ATP8A2: variants seen among roughly 807,000 people sequenced by gnomAD.
The protein encoded by ATP8A2 is phospholipid-transporting ATPase IB.
ATP8A2 carries 100 observed loss-of-function variants against 165.6 expected under a neutral mutation model. That is an observed-to-expected ratio of 0.60 (90% CI 0.51 to 0.71). The LOEUF (loss-of-function observed/expected upper bound fraction) is 0.71, where lower values mean the gene tolerates loss of function less well. Ranked by LOEUF, ATP8A2 falls within the 30% of genes least tolerant of loss-of-function variation. The pLI is 0.00. For missense variants in ATP8A2, 1,227 were observed against 1,479.5 expected, an observed-to-expected ratio of 0.83 and a Z score of 2.80; for synonymous variants, 543 against 548.8, an observed-to-expected ratio of 0.99 and a Z score of 0.15.
intron 17 of ATP8A2, among the ~76,000 whole-genome samples, chr13:25,571,119 G>A (rs1241234388): frequency 5.3e-5 from 8 of 152,164 alleles, no homozygotes; most frequent in Admixed American, 5.2e-4. Flanking sequence ...TCTCCCAGCA[G>A]AGGTGATTGG....
At chr13:25,972,894 T>C (rs999430738) in intron 35 of ATP8A2, among the ~76,000 whole-genome samples, 3 of 152,104 alleles carry the variant, frequency 2.0e-5, no homozygotes, top group African/African-American at 7.2e-5. Flanking sequence ...AGATAAGTGG[T>C]TGCCCTGTAA....
intron 2 of ATP8A2, among the ~76,000 whole-genome samples, chr13:25,517,539 A>G (rs780659786): frequency 1.3e-5 from 2 of 152,186 alleles, no homozygotes; most frequent in Non-Finnish European, 2.9e-5. Flanking sequence ...ATTTAATAGG[A>G]ATTATAGGTA....
At chr13:25,932,733 A>C (rs563227975) in intron 33 of ATP8A2, among the ~76,000 whole-genome samples, 3 of 152,328 alleles carry the variant, frequency 2.0e-5, no homozygotes, top group African/African-American at 7.2e-5. Flanking sequence ...CTGCTGGGGA[A>C]GTCAGTTATG....
chr13:25,673,402 ACT>A (rs2042306300), intron 24 of ATP8A2, among the ~76,000 whole-genome samples: 1 of 152,290 alleles, frequency 6.6e-6, no homozygotes, highest in African/African-American at 2.4e-5. Flanking sequence ...CAAAGCAGAG[ACT>A]CTGACTTCTG....
At chr13:25,517,022 C>T (rs2037497551) in intron 2 of ATP8A2, 1 of 151,606 alleles carries the variant, frequency 6.6e-6, no homozygotes, top group Non-Finnish European at 1.5e-5. Context: ...CTCAAGCTAT[C>T]CACCCACCTC....
rs74636151 is a variant in ATP8A2, at chr13:25,573,319, G to A, written c.1663-1489G>A. ...TCACTCACAATGCCAAATAAATGTG[G>A]AACCTAGAGAGCCTATTGGTGTTGT... is the stretch of plus-strand genomic sequence containing the variant. On this transcript the variant is annotated intron_variant, in intron 18 of 36. Transcript: ENST00000381655. Among the ~76,000 whole-genome samples, 1,057 of 150,890 alleles carry A rather than the reference G, an allele frequency of 7.0e-3. 12 individuals carry two copies. The highest frequency in any genetic ancestry group is 0.012 in the Non-Finnish European group (820 of 67,804).
intron 2 of ATP8A2, among the ~76,000 whole-genome samples, chr13:25,498,812 G>A (rs2036759181): frequency 6.6e-6 from 1 of 152,304 alleles, no homozygotes; most frequent in Middle Eastern, 3.4e-3. Flanking sequence ...GATGATGAAA[G>A]TGAGGCATGG....
intron 1 of ATP8A2, among the ~76,000 whole-genome samples, chr13:25,437,243 C>A (rs1006087289): frequency 6.6e-6 from 1 of 152,096 alleles, no homozygotes; most frequent in Non-Finnish European, 1.5e-5. Context: ...GTTCTTTGCC[C>A]ACTTTTTAAT....
At chr13:25,399,485 G>A (rs370671558) in intron 1 of ATP8A2, among the ~76,000 whole-genome samples, 8 of 113,576 alleles carry the variant, frequency 7.0e-5, no homozygotes, top group South Asian at 7.2e-4. Context: ...TGCAAGCTCC[G>A]CCTCCTGGGT....
intron 19 of ATP8A2, 72 bp from the exon 20 acceptor site, chr13:25,576,997 A>T: frequency 8.1e-7 from 1 of 1,238,908 alleles, no homozygotes; most frequent in Non-Finnish European, 1.2e-6. Flanking sequence ...TTTTGTTTTG[A>T]TTGGTGTTCA....
At chr13:25,588,486 A>G (rs545069143) in intron 23 of ATP8A2, among the ~76,000 whole-genome samples, 5 of 152,242 alleles carry the variant, frequency 3.3e-5, no homozygotes, top group Non-Finnish European at 5.9e-5. Flanking sequence ...AGCCACGTGT[A>G]GCATCTGTGA....
chr13:25,632,638 G>A (rs1252923414), intron 24 of ATP8A2, among the ~76,000 whole-genome samples: 1 of 152,056 alleles, frequency 6.6e-6, no homozygotes, highest in African/African-American at 2.4e-5. Context: ...ATTGGCTTCC[G>A]CTGGCCTTGC....
intron 33 of ATP8A2, among the ~76,000 whole-genome samples, chr13:25,954,024 A>C (rs1955453311): frequency 6.6e-6 from 1 of 151,918 alleles, no homozygotes; most frequent in Non-Finnish European, 1.5e-5. Context: ...ACTTCCCTGG[A>C]AAGGGGGCTG....
intron 24 of ATP8A2, among the ~76,000 whole-genome samples, chr13:25,635,786 C>T (rs2041353489): frequency 6.6e-6 from 1 of 152,212 alleles, no homozygotes. Flanking sequence ...TTATACTGAG[C>T]CTCTCTGCTT....
intron 33 of ATP8A2, among the ~76,000 whole-genome samples, chr13:25,921,478 C>G (rs1954453603): frequency 6.6e-6 from 1 of 150,586 alleles, no homozygotes; most frequent in African/African-American, 2.5e-5. Context: ...AAAAAAATAG[C>G]CAGGTGTGGT....
chr13:25,656,341 TC>T (rs2041926774), intron 24 of ATP8A2, among the ~76,000 whole-genome samples: 1 of 151,566 alleles, frequency 6.6e-6, no homozygotes, highest in African/African-American at 2.4e-5. Context: ...AGTGGCATGA[TC>T]TCAGCTCACT....
intron 1 of ATP8A2, among the ~76,000 whole-genome samples, chr13:25,465,752 T>C (rs868820180): frequency 0.56 from 7,510 of 13,348 alleles, 2,436 homozygotes; most frequent in East Asian, 0.69. Flanking sequence ...TCCCTCCCTC[T>C]CTCTCTCTCT....
chr13:25,718,442 G>A (rs550602533), intron 25 of ATP8A2, among the ~76,000 whole-genome samples: 8 of 151,904 alleles, frequency 5.3e-5, no homozygotes, highest in African/African-American at 9.7e-5. Flanking sequence ...TCATTCTTAC[G>A]TGTGTATCAT....
chr13:25,907,389 A>AAAAT (rs1363858113), intron 33 of ATP8A2, among the ~76,000 whole-genome samples: 2 of 152,058 alleles, frequency 1.3e-5, no homozygotes, highest in African/African-American at 4.8e-5. Context: ...AAAATAAAAT[A>AAAAT]AAAGGAGCTA....
Sources: gnomAD v4.1 joint callset for allele counts (sites outside exome capture counted in the v4.1 genomes callset) on GRCh38, gnomAD v4.1.1 for gene constraint, MANE v1.5 for transcripts, NCBI Gene and HGNC (gene_info 2026-07-23, HGNC 2026-07-21) for gene names.